The following LRRC3C variants were observed in gnomAD, a reference collection of about 807,000 sequenced individuals.
The protein encoded by LRRC3C is leucine-rich repeat-containing protein 3C.
In LRRC3C, 11 loss-of-function variants were observed where a neutral mutation model predicts 14.8. The ratio of observed to expected loss-of-function variants is 0.74; its 90% CI spans 0.47 to 1.23. The LOEUF is 1.23. LRRC3C is among the 50% of genes most tolerant of loss of function. LRRC3C has a pLI of 0.00. For missense variants in LRRC3C, 354 were observed against 361.8 expected, an observed-to-expected ratio of 0.98 and a Z score of 0.18; for synonymous variants, 149 against 161.5, an observed-to-expected ratio of 0.92 and a Z score of 0.59.
chr17:39,943,649 G>T (rs1458659371), intron 3 of LRRC3C, among the ~76,000 whole-genome samples: 3 of 152,126 alleles, frequency 2.0e-5, no homozygotes, highest in Non-Finnish European at 4.4e-5. Flanking sequence ...CCCAGACCCA[G>T]AATGACCAAC....
intron 1 of LRRC3C, among the ~76,000 whole-genome samples, chr17:39,933,428 A>C (rs1284677612): frequency 6.6e-6 from 1 of 152,092 alleles, no homozygotes; most frequent in African/African-American, 2.4e-5. Context: ...AGCTGGGAGA[A>C]GGGATGTCAA....
chr17:39,940,531 G>A (rs1019480065), intron 2 of LRRC3C, among the ~76,000 whole-genome samples: 8 of 151,978 alleles, frequency 5.3e-5, no homozygotes, highest in Non-Finnish European at 1.0e-4. Flanking sequence ...TCCTACCTCA[G>A]CCTCCCGAGT....
Position 39,943,944 on chromosome 17 carries a change from C to T in LRRC3C, c.38C>T (p.Thr13Ile), listed in dbSNP as rs1211050159. ...CTTTCCTTCCCCAGATCCTACTGCA[C>T]TCCAGGACTATGCCAATTTATGGCC... is the stretch of plus-strand genomic sequence containing the variant. Reference protein sequence around the residue: ...MTSSSFVSYCTPGLCQFMAML... With the variant: ...MTSSSFVSYCIPGLCQFMAML... Residue 13 changes from threonine (T) to isoleucine (I), a missense_variant, in exon 4 of 4, where the codon ACT (threonine) becomes ATT (isoleucine). Thr to Ile is a moderately conservative substitution (Grantham distance 89). Coordinates refer to ENST00000377924, the MANE Select transcript of LRRC3C (RefSeq NM_001195545.2). 7.2e-6 allele frequency: 11 copies of T among 1,536,032 alleles called. No individual in the cohort carries two copies. The East Asian group carries it at 2.2e-4, about 31-fold the overall frequency.
intron 1 of LRRC3C, 122 bp from the exon 2 acceptor site, chr17:39,935,680 C>T (rs1978778013): frequency 3.2e-6 from 1 of 311,338 alleles, no homozygotes; most frequent in African/African-American, 2.3e-5. Flanking sequence ...AACTCTGAAT[C>T]CCCAATGCCT....
In LRRC3C at chr17:39,944,345, G is replaced by A; in HGVS notation, c.439G>A (p.Ala147Thr). ...CCAGCTGGCCTCAGTGCCCGTGGAGGCCTTTGTGGGGCTACAGATCCAAGT... is the reference window on the plus strand; with the variant it reads ...CCAGCTGGCCTCAGTGCCCGTGGAGACCTTTGTGGGGCTACAGATCCAAGT... ...ANQLASVPVE[A>T]FVGLQIQVNL... Residue 147 changes from alanine (A) to threonine (T), a missense_variant, in exon 4 of 4, where the codon GCC (alanine) becomes ACC (threonine). Coordinates refer to ENST00000377924, the MANE Select transcript of LRRC3C (RefSeq NM_001195545.2). 2.0e-6 allele frequency: 3 copies of A among 1,535,188 alleles called. No individual in the cohort carries two copies. Among genetic ancestry groups the A allele is most frequent in the South Asian group, 2.4e-5 (2 of 83,880 alleles).
rs1467591329 is a variant in LRRC3C, at chr17:39,927,809, ATT to A, written c.-177_-176del. The A allele has an allele frequency of 5.1e-6, 5 of 985,368 alleles. No individual in the cohort carries two copies. The highest frequency in any genetic ancestry group is 6.0e-6 in the Non-Finnish European group (5 of 829,964). The allele number at this position is 985,368 out of a possible 1,614,324, so 61.0% of individuals were successfully genotyped here. A position where few individuals can be genotyped will look rare whatever the true frequency, so the allele number is the denominator to read the frequency against. On this transcript the variant is annotated 5_prime_UTR_variant, in exon 1 of 4. It introduces an in-frame stop codon into an upstream open reading frame of the 5' UTR. Transcript: ENST00000377924. Reference sequence around the variant, plus strand: ...CGTGATGGTCAGATCGGATGATAGAATTTTGGTGCGTAACAATTCCAACTTTT... The same window carrying A: ...CGTGATGGTCAGATCGGATGATAGAATTGGTGCGTAACAATTCCAACTTTT...
At chr17:39,929,341 A>T (rs1978582934) in intron 1 of LRRC3C, 1 of 152,206 alleles carries the variant, frequency 6.6e-6, no homozygotes, top group Non-Finnish European at 1.5e-5. Flanking sequence ...TGAACATGTC[A>T]TGCACTATTA....
chr17:39,944,509 G>T lies in LRRC3C; in HGVS notation c.603G>T (p.Leu201=), dbSNP rs989316961. 17 of 1,492,800 alleles carry T rather than the reference G, an allele frequency of 1.1e-5. No homozygotes were observed. Among genetic ancestry groups the T allele is most frequent in the Admixed American group, 1.0e-4 (5 of 47,640 alleles). 92.5% of individuals were successfully genotyped at this position (1,492,800 alleles called of 1,614,324 possible). ...ARPDLVGQEF[L]LLAGEEELCG... is the part of the protein sequence containing the mutation. ...CGGACCTCGTGGGGCAGGAGTTCCT[G>T]CTGCTGGCAGGGGAGGAAGAGCTGT... is the stretch of plus-strand genomic sequence containing the variant. The change falls in exon 4 of 4, where the codon CTG becomes CTT. Residue 201 remains leucine (L), a synonymous_variant. Coordinates refer to ENST00000377924, the MANE Select transcript of LRRC3C (RefSeq NM_001195545.2).
intron 3 of LRRC3C, among the ~76,000 whole-genome samples, chr17:39,942,706 A>G (rs1381301902): frequency 1.1e-4 from 16 of 152,208 alleles, no homozygotes; most frequent in Admixed American, 8.5e-4. Context: ...CTGGACAGAC[A>G]TGTTTTCCAA....
chr17:39,937,410 T>G (rs896148497), intron 2 of LRRC3C, among the ~76,000 whole-genome samples: 2 of 152,204 alleles, frequency 1.3e-5, no homozygotes, highest in African/African-American at 4.8e-5. Context: ...CACTCCAGCC[T>G]GGGCAACAAG....
intron 1 of LRRC3C, among the ~76,000 whole-genome samples, chr17:39,931,445 CAA>C (rs58318948): frequency 1.1e-4 from 8 of 74,962 alleles, no homozygotes; most frequent in Admixed American, 3.4e-4. Flanking sequence ...GACTTCGTCT[CAA>C]AAAAAAAAAA....
chr17:39,935,793 T>A lies in LRRC3C; in HGVS notation c.-174-9T>A. ...AGTGTATGTATACACCCCTTGCTCTTTTCTACAGGGAACAACAATAGCAGA... is the reference window on the plus strand; with the variant it reads ...AGTGTATGTATACACCCCTTGCTCTATTCTACAGGGAACAACAATAGCAGA... On this transcript the variant is annotated splice_polypyrimidine_tract_variant and intron_variant, in intron 1 of 3. Coordinates refer to ENST00000377924, the MANE Select transcript of LRRC3C (RefSeq NM_001195545.2). The A allele has an allele frequency of 1.0e-6, 1 of 985,244 alleles. No individual in the cohort carries two copies. Among genetic ancestry groups the A allele is most frequent in the Non-Finnish European group, 1.2e-6 (1 of 829,758 alleles). 61.0% of individuals were successfully genotyped at this position (985,244 alleles called of 1,614,324 possible).
intron 1 of LRRC3C, chr17:39,929,514 T>C (rs1978589346): frequency 1.3e-5 from 2 of 152,156 alleles, no homozygotes; most frequent in Admixed American, 6.5e-5. Context: ...TATCATATCT[T>C]CCCCAAACGT....
chr17:39,944,790 T>G lies in LRRC3C; in HGVS notation c.*56T>G, dbSNP rs974089291. On this transcript the variant is annotated 3_prime_UTR_variant, in exon 4 of 4. Coordinates refer to ENST00000377924, the MANE Select transcript of LRRC3C (RefSeq NM_001195545.2). ...ACACTCCTGCCCCTATGCCCTCTCC[T>G]TTGCTCTGACCCCCTCTGCCTCCTG... 2.5e-5 allele frequency: 38 copies of G among 1,491,328 alleles called. No individual in the cohort carries two copies. The highest frequency in any genetic ancestry group is 2.8e-5 in the Non-Finnish European group (31 of 1,111,870). The allele number at this position is 1,491,328 out of a possible 1,614,324, so 92.4% of individuals were successfully genotyped here.
Position 39,944,580 on chromosome 17 carries a change from T to C in LRRC3C, c.674T>C (p.Leu225Pro). ...GGARRSTDVA[L>P]LVTMGGWLTL... ...GCCCGGAGGAGCACCGATGTGGCCC[T>C]GCTGGTCACCATGGGGGGCTGGCTG... Residue 225 changes from leucine (L) to proline (P), a missense_variant, in exon 4 of 4, where the codon CTG becomes CCG. Transcript: ENST00000377924. 6.5e-7 allele frequency: 1 copy of C among 1,534,460 alleles called. No individual in the cohort carries two copies. The highest frequency in any genetic ancestry group is 8.7e-7 in the Non-Finnish European group (1 of 1,146,136).
chr17:39,936,649 CAAAAAAA>C (rs762019861), intron 2 of LRRC3C, among the ~76,000 whole-genome samples: 1 of 77,370 alleles, frequency 1.3e-5, no homozygotes, highest in East Asian at 3.4e-4. Flanking sequence ...CACAAAAATA[CAAAAAAA>C]AAAAAAAAAA....
At chr17:39,932,917 T>C (rs914108214) in intron 1 of LRRC3C, among the ~76,000 whole-genome samples, 1 of 152,014 alleles carries the variant, frequency 6.6e-6, no homozygotes, top group African/African-American at 2.4e-5. Flanking sequence ...CCAGGCATGG[T>C]GGCGCGCCCC....
chr17:39,930,601 A>G (rs7224908), intron 1 of LRRC3C, among the ~76,000 whole-genome samples: 121,463 of 149,132 alleles, frequency 0.81, 49,689 homozygotes, highest in African/African-American at 0.9. Context: ...CCAGCTACTC[A>G]GGAGGCTGAA....
chr17:39,927,901 TGTAA>T (rs1978529748), intron 1 of LRRC3C, 87 bp downstream of exon 1: 3 of 977,106 alleles, frequency 3.1e-6, no homozygotes, highest in East Asian at 1.1e-4. Flanking sequence ...GACTCGGACT[TGTAA>T]GTAACTTTCT....
Sources: gnomAD v4.1 joint callset for allele counts (sites outside exome capture counted in the v4.1 genomes callset) on GRCh38, gnomAD v4.1.1 for gene constraint, MANE v1.5 for transcripts, NCBI Gene and HGNC (gene_info 2026-07-23, HGNC 2026-07-21) for gene names.